The following ESPNL variants were observed in gnomAD, a reference collection of about 807,000 sequenced individuals.
The protein encoded by ESPNL is espin like.
Under a neutral mutation model 46.8 loss-of-function variants are expected in ESPNL, and 49 were observed. The observed-to-expected ratio is 1.05, with a 90% CI of 0.83 to 1.33. The LOEUF (loss-of-function observed/expected upper bound fraction) is 1.33, where lower values mean the gene tolerates loss of function less well. ESPNL is among the 40% of genes most tolerant of loss of function. The pLI, the probability that ESPNL is intolerant of heterozygous loss-of-function variation, is 0.00. For missense variants in ESPNL, 1,540 were observed against 1,436.6 expected (o/e 1.07, Z -1.16); for synonymous variants, 664 against 662.1 (o/e 1.00, Z -0.04).
At chr2:238,120,268 C>G (rs1286179022) in intron 5 of ESPNL, among the ~76,000 whole-genome samples, 2 of 152,292 alleles carry the variant, frequency 1.3e-5, no homozygotes, top group East Asian at 3.9e-4. Context: ...GCCGCTAGGT[C>G]AGCCTTGGCC....
rs768946083 is a variant in ESPNL at position 238,130,113 on chromosome 2, C to T, written c.1414-15C>T. On this transcript the variant is annotated splice_polypyrimidine_tract_variant and intron_variant, in intron 8 of 8. Coordinates refer to ENST00000343063, the MANE Select transcript of ESPNL (RefSeq NM_194312.4). ...GGTGGGCTCACCCTGCTCACCCTGC[C>T]CTTCCTGTGCCCAGGACAATGGTGG... 4.4e-6 allele frequency: 7 copies of T among 1,599,002 alleles called. No homozygotes were observed. The highest frequency in any genetic ancestry group is 6.0e-6 in the Non-Finnish European group (7 of 1,170,340).
chr2:238,119,417 G>A (rs1420693732), intron 5 of ESPNL, among the ~76,000 whole-genome samples: 2 of 131,576 alleles, frequency 1.5e-5, no homozygotes, highest in African/African-American at 6.0e-5. Flanking sequence ...GGTGGATGGA[G>A]GAGGGTAGAT....
rs1044945025 is a variant in ESPNL, at chr2:238,132,473, A to C, written c.*741A>C. The C allele has an allele frequency of 2.6e-5, 4 of 152,446 alleles. No individual in the cohort carries two copies. Among genetic ancestry groups the C allele is most frequent in the Admixed American group, 2.6e-4 (4 of 15,294 alleles). 9.4% of individuals were successfully genotyped at this position (152,446 alleles called of 1,614,324 possible). A position where few individuals can be genotyped will look rare whatever the true frequency, so the allele number is the denominator to read the frequency against. ...GTAGCAGTGGCTGAGAGAGTCCTCCAGGCAGGGTGGCTGGTGCCCACTCTC... is the reference window on the plus strand; with the variant it reads ...GTAGCAGTGGCTGAGAGAGTCCTCCCGGCAGGGTGGCTGGTGCCCACTCTC... On this transcript the variant is annotated 3_prime_UTR_variant, in exon 9 of 9. Transcript: ENST00000343063.
At position 238,129,613 on chromosome 2, in the gene ESPNL, G is replaced by A. The variant is rs925165062; in HGVS notation, c.1414-515G>A. ...ATTTTAACAGGCTCCCCGGGCTGCT[G>A]TGCAGACAGGAGTTCAGGAATTATG... On this transcript the variant is annotated intron_variant, in intron 8 of 8. Transcript: ENST00000343063. Among the ~76,000 whole-genome samples the A allele has an allele frequency of 9.2e-5, 14 of 152,242 alleles. No homozygotes were observed. The East Asian group carries it at 1.3e-3, about 15-fold the overall frequency.
Position 238,100,638 on chromosome 2 carries a change from A to G in ESPNL, c.219A>G (p.Pro73=). 6.9e-7 allele frequency: 1 copy of G among 1,459,454 alleles called. No individual in the cohort carries two copies. The highest frequency in any genetic ancestry group is 9.0e-7 in the Non-Finnish European group (1 of 1,111,924). 90.4% of individuals were successfully genotyped at this position (1,459,454 alleles called of 1,614,324 possible). ...AGCGGGCCCACAACGGGGCCACCCC[A>G]GCGCATGACGCCGCTGCCACGGGCA... ...GNQRAHNGAT[P]AHDAAATGSL... is the part of the protein sequence containing the mutation. The change falls in exon 1 of 9, where the codon CCA becomes CCG. Residue 73 remains proline (P), a synonymous_variant. Coordinates refer to ENST00000343063, the MANE Select transcript of ESPNL (RefSeq NM_194312.4).
intron 4 of ESPNL, among the ~76,000 whole-genome samples, 187 bp from the exon 5 acceptor site, chr2:238,116,716 G>A (rs2106470178): frequency 1.3e-5 from 2 of 152,228 alleles, no homozygotes; most frequent in Middle Eastern, 3.4e-3. Context: ...GGTGGCTGTG[G>A]GATGAGGCTC....
At chr2:238,124,664 A>G (rs1266426360) in intron 5 of ESPNL, among the ~76,000 whole-genome samples, 1 of 141,998 alleles carries the variant, frequency 7.0e-6, no homozygotes, top group Non-Finnish European at 1.5e-5. Flanking sequence ...TGTGCAGGAG[A>G]GTGTACATGT....
At chr2:238,118,975 G>C (rs1691904102) in intron 5 of ESPNL, among the ~76,000 whole-genome samples, 2 of 144,018 alleles carry the variant, frequency 1.4e-5, no homozygotes, top group South Asian at 4.5e-4. Context: ...GGATGGAGGA[G>C]GGTTAATGGA....
At position 238,128,843 on chromosome 2, in the gene ESPNL, GGCAGGTGATGGTGCGGAAGCT is replaced by G; in HGVS notation, c.1358_1378del (p.Val453_Gln459del). On this transcript the variant is annotated inframe_deletion, in exon 8 of 9. Coordinates refer to ENST00000343063, the MANE Select transcript of ESPNL (RefSeq NM_194312.4). ...GGCCAGCCCATCCCAGAGTGGAAGC[GGCAGGTGATGGTGCGGAAGCT>G]GCAGGCGCGCCTGGGCGCAGAGAGC... 1 of 1,549,052 alleles carries G rather than the reference GGCAGGTGATGGTGCGGAAGCT, an allele frequency of 6.5e-7. No homozygotes were observed. The highest frequency in any genetic ancestry group is 1.4e-5 in the African/African-American group (1 of 73,178).
chr2:238,127,884 A>G (rs1692176755), intron 7 of ESPNL, 150 bp downstream of exon 7: 2 of 626,806 alleles, frequency 3.2e-6, no homozygotes, highest in Non-Finnish European at 5.5e-6. Context: ...GCTGCTCTCG[A>G]GAACACCCTG....
chr2:238,123,085 T>C (rs1162220478), intron 5 of ESPNL, among the ~76,000 whole-genome samples: 1 of 152,174 alleles, frequency 6.6e-6, no homozygotes, highest in Non-Finnish European at 1.5e-5. Flanking sequence ...TGGGTCCCGA[T>C]GGCAGCTGTG....
intron 1 of ESPNL, 41 bp from the exon 2 acceptor site, chr2:238,101,900 C>T (rs764936759): frequency 4.0e-6 from 6 of 1,512,516 alleles, no homozygotes; most frequent in South Asian, 1.2e-5. Context: ...TCTGACCTCA[C>T]GGCCTACCCC....
Position 238,130,720 on chromosome 2 carries a change from T to C in ESPNL, c.2006T>C (p.Phe669Ser). ...TCGGCCTCTGGCCCACTCTGTGGCT[T>C]CAACCCTGGCCCCTGCGAGCCGGGG... The part of the protein sequence containing the change: ...FESASGPLCG[F>S]NPGPCEPGAQ... The change falls in exon 9 of 9, where the codon TTC becomes TCC. Residue 669 changes from phenylalanine (F) to serine (S), a missense_variant. Physicochemically the swap from Phe to Ser is radical, Grantham distance 155. Transcript: ENST00000343063. The C allele has an allele frequency of 6.4e-7, 1 of 1,567,682 alleles. No homozygotes were observed. Among genetic ancestry groups the C allele is most frequent in the Middle Eastern group, 1.7e-4 (1 of 5,970 alleles).
At position 238,130,535 on chromosome 2, in the gene ESPNL, G is replaced by A; in HGVS notation, c.1821G>A (p.Leu607=). The change falls in exon 9 of 9, where the codon CTG becomes CTA. Residue 607 remains leucine, a synonymous_variant. Transcript: ENST00000343063. The stretch of plus-strand genomic sequence containing the variant: ...TGGTACGCAGCCTGTCCCTGCTGCT[G>A]AAGGGCGTGCATGGGCTAGTACAGG... ...SRLVRSLSLL[L]KGVHGLVQGD... 1.9e-6 allele frequency: 3 copies of A among 1,593,048 alleles called. No individual in the cohort carries two copies. The Admixed American group carries it at 5.3e-5, about 28-fold the overall frequency.
chr2:238,125,896 T>C (rs576139048), intron 6 of ESPNL, among the ~76,000 whole-genome samples: 1 of 152,042 alleles, frequency 6.6e-6, no homozygotes, highest in Non-Finnish European at 1.5e-5. Context: ...CATGTGGGAG[T>C]GTGCTTCTGT....
At chr2:238,120,852 G>A (rs1167252154) in intron 5 of ESPNL, among the ~76,000 whole-genome samples, 1 of 152,238 alleles carries the variant, frequency 6.6e-6, no homozygotes, top group African/African-American at 2.4e-5. Flanking sequence ...AGTCCGCAGG[G>A]GCTGCTCACA....
At chr2:238,110,880 G>T (rs577842128) in intron 4 of ESPNL, among the ~76,000 whole-genome samples, 1 of 151,856 alleles carries the variant, frequency 6.6e-6, no homozygotes, top group East Asian at 1.9e-4. Context: ...TGATCCTCCA[G>T]CAGCCTCTAA....
At chr2:238,119,644 A>G (rs913712491) in intron 5 of ESPNL, among the ~76,000 whole-genome samples, 11 of 151,782 alleles carry the variant, frequency 7.2e-5, no homozygotes, top group African/African-American at 2.7e-4. Context: ...TACTGTGACA[A>G]ATCCCTCTAA....
rs1574726669 is a variant in ESPNL, at chr2:238,104,569, CA to C, written c.486-86del. 5.8e-6 allele frequency: 8 copies of C among 1,368,824 alleles called. No individual in the cohort carries two copies. In the East Asian group the frequency reaches 7.8e-5, roughly 13 times the overall value. The allele number at this position is 1,368,824 out of a possible 1,614,324, so 84.8% of individuals were successfully genotyped here. ...GAAACTCAGTCATCACGGGCAGGGC[CA>C]GGGGGCAGCGGTGAAGTCCAAGCAG... On this transcript the variant is annotated intron_variant, in intron 2 of 8. Coordinates refer to ENST00000343063, the MANE Select transcript of ESPNL (RefSeq NM_194312.4).
Sources: allele counts gnomAD v4.1 joint callset (sites outside exome capture counted in the v4.1 genomes callset), GRCh38; gene constraint gnomAD v4.1.1; transcripts MANE v1.5; gene names NCBI Gene and HGNC (gene_info 2026-07-23, HGNC 2026-07-21).